Variants in NHSL3 observed in about 807,000 individuals in gnomAD.
The protein encoded by NHSL3 is NHS like 3.
At chr1:32,772,337 A>G in the NHSL3 span, 13 of 1,607,966 alleles carry the variant, frequency 8.1e-6, no homozygotes, top group Admixed American at 8.4e-5. Flanking sequence ...CCTCCCACCA[A>G]TGGGCTCCCT....
At chr1:32,749,768 T>C in the NHSL3 span, among the ~76,000 whole-genome samples, 1 of 151,974 alleles carries the variant, frequency 6.6e-6, no homozygotes, top group African/African-American at 2.4e-5. Context: ...CCCTCACCCT[T>C]CTCTTGGAAA....
the NHSL3 span, among the ~76,000 whole-genome samples, chr1:32,755,528 CT>C: frequency 6.6e-6 from 1 of 152,130 alleles, no homozygotes; most frequent in Non-Finnish European, 1.5e-5. Context: ...ATTCCTTTCA[CT>C]TGTCTGGACC....
chr1:32,754,042 G>A, the NHSL3 span: 1 of 612,082 alleles, frequency 1.6e-6, no homozygotes, highest in African/African-American at 1.9e-5. Context: ...CCGGCGGCCG[G>A]GCTGGCTGGG....
At chr1:32,772,974 C>G in the NHSL3 span, 1 of 1,307,290 alleles carries the variant, frequency 7.6e-7, no homozygotes, top group South Asian at 1.2e-5. Context: ...GAGGATACAG[C>G]AGACACAACC....
the NHSL3 span, chr1:32,768,991 C>T: frequency 1.9e-6 from 1 of 515,394 alleles, no homozygotes; most frequent in Non-Finnish European, 3.3e-6. Flanking sequence ...TGGCTCACGC[C>T]TGTAATCCCA....
At chr1:32,756,470 ACCCC>A in the NHSL3 span, among the ~76,000 whole-genome samples, 1 of 50,490 alleles carries the variant, frequency 2.0e-5, no homozygotes, top group Non-Finnish European at 3.5e-5. Flanking sequence ...ACATGACGAG[ACCCC>A]CCCCCCCCGC....
chr1:32,770,677 C>T, the NHSL3 span: 3 of 1,526,950 alleles, frequency 2.0e-6, no homozygotes, highest in South Asian at 1.3e-5. This position sits in a 1 kb window ranked among gnomAD's most constrained non-coding sequence, Gnocchi z 8.3. Flanking sequence ...GCCTCCACCC[C>T]CTCCCCGCCG....
chr1:32,745,085 C>T, the NHSL3 span, among the ~76,000 whole-genome samples: 4 of 148,386 alleles, frequency 2.7e-5, no homozygotes, highest in Non-Finnish European at 4.4e-5. Flanking sequence ...AAGATTGCAC[C>T]GCTGCACTCC....
chr1:32,769,267 A>C, the NHSL3 span, among the ~76,000 whole-genome samples: 1 of 152,128 alleles, frequency 6.6e-6, no homozygotes, highest in Non-Finnish European at 1.5e-5. Context: ...AAAAAAATAA[A>C]AAAAGAGTTA....
chr1:32,772,137 C>A, the NHSL3 span: 2 of 1,613,266 alleles, frequency 1.2e-6, no homozygotes, highest in Non-Finnish European at 8.5e-7. Context: ...TGGAGCGGCC[C>A]GTGTCCCCTG....
the NHSL3 span, chr1:32,769,990 G>A: frequency 6.2e-7 from 1 of 1,605,794 alleles, no homozygotes; most frequent in East Asian, 2.2e-5. Flanking sequence ...AGGGATGGGG[G>A]CCCGGGTGTC....
At chr1:32,768,901 CCT>C in the NHSL3 span, 1 of 1,156,958 alleles carries the variant, frequency 8.6e-7, no homozygotes, top group Non-Finnish European at 1.2e-6. Flanking sequence ...AACACAGTAC[CCT>C]GTGTCCTCTT....
At chr1:32,772,883 C>G in the NHSL3 span, 1 of 1,614,062 alleles carries the variant, frequency 6.2e-7, no homozygotes, top group Non-Finnish European at 8.5e-7. Context: ...AAAGAGCTGG[C>G]CTGACCACCA....
the NHSL3 span, chr1:32,770,000 C>A: frequency 6.2e-7 from 1 of 1,604,006 alleles, no homozygotes. Flanking sequence ...GCCCGGGTGT[C>A]CCTGCAGGCG....
chr1:32,766,963 T>C, the NHSL3 span, among the ~76,000 whole-genome samples: 3 of 152,112 alleles, frequency 2.0e-5, no homozygotes, highest in African/African-American at 4.8e-5. Context: ...CAAGAGAGAC[T>C]GGAGCTCCCT....
chr1:32,755,831 AGCCCTGTCTGT>A, the NHSL3 span, among the ~76,000 whole-genome samples: 1 of 152,168 alleles, frequency 6.6e-6, no homozygotes, highest in Non-Finnish European at 1.5e-5. Flanking sequence ...CAGTCCTGAA[AGCCCTGTCTGT>A]GCCTACCTGT....
At chr1:32,768,918 A>G in the NHSL3 span, 2 of 1,049,842 alleles carry the variant, frequency 1.9e-6, no homozygotes, top group South Asian at 3.4e-5. Context: ...CCTCTTGCAC[A>G]TTCGTGATAC....
the NHSL3 span, among the ~76,000 whole-genome samples, chr1:32,746,716 T>C: frequency 1.3e-5 from 2 of 152,188 alleles, no homozygotes; most frequent in Non-Finnish European, 2.9e-5. Flanking sequence ...CCCATCTATG[T>C]GGAAGTGAGG....
the NHSL3 span, chr1:32,771,410 C>T: frequency 6.3e-7 from 1 of 1,590,230 alleles, no homozygotes; most frequent in Non-Finnish European, 8.6e-7. Flanking sequence ...CCACCACCCA[C>T]TAAGAAGCCA....
Sources: gnomAD v4.1 joint callset for allele counts (sites outside exome capture counted in the v4.1 genomes callset) on GRCh38, gnomAD v4.1.1 for gene constraint, Gnocchi (gnomAD v3.1) non-coding constraint, MANE v1.5 for transcripts, NCBI Gene and HGNC (gene_info 2026-07-23, HGNC 2026-07-21) for gene names.